The following RHBDD1 variants were observed in gnomAD, a reference collection of about 807,000 sequenced individuals.
The protein encoded by RHBDD1 is rhomboid domain containing 1.
A neutral mutation model predicts 36.3 loss-of-function variants in RHBDD1; 38 were observed. The observed-to-expected ratio is 1.05, with a 90% CI of 0.81 to 1.37. The LOEUF is 1.37. Among genes scored for constraint, RHBDD1 ranks in the 40% most tolerant of loss-of-function variants. The pLI, the probability that RHBDD1 is intolerant of heterozygous loss-of-function variation, is 0.00. For missense variants in RHBDD1, 393 were observed against 377.6 expected (o/e 1.04, Z -0.34); for synonymous variants, 151 against 136.5 (o/e 1.11, Z -0.74).
chr2:226,954,151 G>A (rs914778651), intron 8 of RHBDD1, among the ~76,000 whole-genome samples: 3 of 152,182 alleles, frequency 2.0e-5, no homozygotes, highest in African/African-American at 7.2e-5. Flanking sequence ...ACCCTGAGTG[G>A]AGAAACTGGA....
At chr2:226,863,122 C>T (rs1022140517) in intron 3 of RHBDD1, among the ~76,000 whole-genome samples, 6 of 152,028 alleles carry the variant, frequency 3.9e-5, no homozygotes, top group East Asian at 3.9e-4. Context: ...CTGAGGCAGA[C>T]GGATCACCTG....
rs1271462057 is a variant in RHBDD1 at position 226,997,662 on chromosome 2, T to C, written c.*2140T>C. ...TTATATCACTTGAGTCCACTAGTAG[T>C]ACTTCCTTGCTCTGTTTGACTTGTC... On this transcript the variant is annotated 3_prime_UTR_variant, in exon 9 of 9. Transcript: ENST00000392062. 1.3e-5 allele frequency: 2 copies of C among 152,252 alleles called. No individual in the cohort carries two copies. The allele number at this position is 152,252 out of a possible 1,614,324, so 9.4% of individuals were successfully genotyped here.
At chr2:226,914,180 T>C (rs1308277876) in intron 7 of RHBDD1, 28 bp from the exon 8 acceptor site, 1 of 1,611,432 alleles carries the variant, frequency 6.2e-7, no homozygotes, top group African/African-American at 1.3e-5. Context: ...CATAGCTGTG[T>C]TCTAGAACCT....
intron 8 of RHBDD1, among the ~76,000 whole-genome samples, chr2:226,971,314 G>A (rs760230822): frequency 6.6e-6 from 1 of 152,206 alleles, no homozygotes; most frequent in African/African-American, 2.4e-5. Context: ...TAACAAATAA[G>A]TGAAGTACAA....
Position 226,864,989 on chromosome 2 carries a change from T to C in RHBDD1, c.296T>C (p.Leu99Pro), listed in dbSNP as rs1944205509. The change falls in exon 4 of 9, where the codon CTG (leucine) becomes CCG (proline). Residue 99 changes from leucine to proline, a missense_variant. Leu to Pro is a moderately conservative substitution (Grantham distance 98). Transcript: ENST00000392062. ...LWKGINLERR[L>P]GSRWFAYVIT... Reference sequence around the variant, plus strand: ...AAAGGAATAAATCTAGAAAGAAGACTGGGAAGTAGATGGTTTGCCTATGTT... The same window carrying C: ...AAAGGAATAAATCTAGAAAGAAGACCGGGAAGTAGATGGTTTGCCTATGTT... 7 of 1,614,136 alleles carry C rather than the reference T, an allele frequency of 4.3e-6. No individual in the cohort carries two copies. The highest frequency in any genetic ancestry group is 5.9e-6 in the Non-Finnish European group (7 of 1,180,050).
chr2:226,899,023 A>G (rs1464898125), intron 5 of RHBDD1, among the ~76,000 whole-genome samples: 1 of 152,178 alleles, frequency 6.6e-6, no homozygotes, highest in African/African-American at 2.4e-5. Context: ...TGAGAGGACA[A>G]CCTCTTCAAC....
intron 8 of RHBDD1, among the ~76,000 whole-genome samples, chr2:226,987,670 C>T (rs1957299328): frequency 6.6e-6 from 1 of 152,186 alleles, no homozygotes; most frequent in African/African-American, 2.4e-5. Flanking sequence ...GGGCCTGAGG[C>T]CCAGGGAGGG....
chr2:226,895,822 A>G, intron 5 of RHBDD1: 5 of 985,290 alleles, frequency 5.1e-6, no homozygotes, highest in Non-Finnish European at 6.0e-6. Context: ...AAAACTATTT[A>G]GGCTTATCCA....
At chr2:226,944,009 G>A (rs973743141) in intron 8 of RHBDD1, among the ~76,000 whole-genome samples, 4 of 152,190 alleles carry the variant, frequency 2.6e-5, no homozygotes, top group Non-Finnish European at 5.9e-5. Flanking sequence ...CAGGCCATTG[G>A]CCTGTGTTGA....
chr2:226,940,530 TTGTG>T (rs371887389), intron 8 of RHBDD1, among the ~76,000 whole-genome samples: 1 of 151,388 alleles, frequency 6.6e-6, no homozygotes, highest in African/African-American at 2.4e-5. Flanking sequence ...ATTTATTTGC[TTGTG>T]TGTGTGTGTG....
chr2:226,830,204 G>A, the RHBDD1 span, among the ~76,000 whole-genome samples: 2 of 152,192 alleles, frequency 1.3e-5, no homozygotes, highest in African/African-American at 4.8e-5. Context: ...GAAGGAATTA[G>A]GTCATGAGGA....
chr2:226,801,414 A>G, the RHBDD1 span, among the ~76,000 whole-genome samples: 1 of 152,200 alleles, frequency 6.6e-6, no homozygotes, highest in Admixed American at 6.5e-5. Flanking sequence ...AAGGAGAAAA[A>G]GAACCATAGG....
chr2:226,931,102 A>G (rs1950004528), intron 8 of RHBDD1, among the ~76,000 whole-genome samples: 2 of 152,128 alleles, frequency 1.3e-5, no homozygotes, highest in Admixed American at 1.3e-4. Flanking sequence ...AACTAAATGT[A>G]GATCTTCCAT....
chr2:226,804,225 G>A, the RHBDD1 span: 31,734 of 152,088 alleles, frequency 0.21, 5,891 homozygotes, highest in African/African-American at 0.5. Flanking sequence ...AGGTGTGATT[G>A]AAAATGGAGA....
intron 5 of RHBDD1, among the ~76,000 whole-genome samples, chr2:226,904,999 G>A (rs1477171532): frequency 6.6e-6 from 1 of 152,106 alleles, no homozygotes; most frequent in African/African-American, 2.4e-5. Context: ...TGCCTCTCAT[G>A]TGCCTGGCCC....
chr2:226,839,992 A>G (rs1011420506), intron 3 of RHBDD1, among the ~76,000 whole-genome samples: 8 of 152,206 alleles, frequency 5.3e-5, no homozygotes, highest in African/African-American at 1.9e-4. Context: ...TTTATATAGT[A>G]AAGTGTTTTT....
At chr2:226,840,344 C>T (rs1004247101) in intron 3 of RHBDD1, among the ~76,000 whole-genome samples, 6 of 152,168 alleles carry the variant, frequency 3.9e-5, no homozygotes, top group Non-Finnish European at 5.9e-5. Flanking sequence ...GTGTGCATTC[C>T]GGTTTGCATG....
chr2:226,924,538 A>G (rs940873619), intron 8 of RHBDD1, among the ~76,000 whole-genome samples: 5 of 152,194 alleles, frequency 3.3e-5, no homozygotes, highest in South Asian at 2.1e-4. Context: ...ACTGGAAGGC[A>G]TGTCCCCCAG....
chr2:226,888,477 T>C (rs114407163), intron 5 of RHBDD1, among the ~76,000 whole-genome samples: 1,612 of 152,128 alleles, frequency 0.011, 25 homozygotes, highest in South Asian at 0.043. Flanking sequence ...AAACCACCAG[T>C]GACTCCTGTA....
Sources: allele counts gnomAD v4.1 joint callset (sites outside exome capture counted in the v4.1 genomes callset), GRCh38; gene constraint gnomAD v4.1.1; transcripts MANE v1.5; gene names NCBI Gene and HGNC (gene_info 2026-07-23, HGNC 2026-07-21).